CSMD1: variants seen among roughly 807,000 people sequenced by gnomAD.
CSMD1 encodes the protein CUB and Sushi multiple domains 1, also known as CUB and sushi domain-containing protein 1.
Under a neutral mutation model 417.5 loss-of-function variants are expected in CSMD1, and 213 were observed. The observed-to-expected ratio is 0.51, with a 90% CI of 0.46 to 0.57. The LOEUF is 0.57. Ranked by LOEUF, CSMD1 falls within the 20% of genes least tolerant of loss-of-function variation. CSMD1 has a pLI of 0.00. For synonymous variants in CSMD1, 2,862 were observed against 1,736.8 expected, an observed-to-expected ratio of 1.65 and a Z score of -16.11; for missense variants, 6,923 against 4,529.7, an observed-to-expected ratio of 1.53 and a Z score of -15.17.
chr8:4,447,594 T>C (rs1448983490), intron 2 of CSMD1, among the ~76,000 whole-genome samples: 1 of 152,216 alleles, frequency 6.6e-6, no homozygotes, highest in Admixed American at 6.5e-5. Flanking sequence ...GAAAACGCTT[T>C]CATGTAATAC....
At chr8:3,892,797 A>G (rs1333052649) in intron 5 of CSMD1, among the ~76,000 whole-genome samples, 1 of 143,984 alleles carries the variant, frequency 6.9e-6, no homozygotes, top group Admixed American at 7.3e-5. Context: ...ACAGTCTTCT[A>G]CGTGAACTCA....
At chr8:4,230,009 G>C (rs771900699) in intron 3 of CSMD1, among the ~76,000 whole-genome samples, 134 of 152,150 alleles carry the variant, frequency 8.8e-4, no homozygotes, top group Non-Finnish European at 1.5e-3. Context: ...AAATGCATAT[G>C]ATTTTGCTAT....
intron 7 of CSMD1, among the ~76,000 whole-genome samples, chr8:3,696,252 C>G (rs932123340): frequency 3.9e-5 from 6 of 152,304 alleles, no homozygotes; most frequent in Non-Finnish European, 5.9e-5. Flanking sequence ...AGGCACATTG[C>G]TCTTCCTGCA....
At chr8:4,630,023 T>C (rs896844762) in intron 2 of CSMD1, among the ~76,000 whole-genome samples, 1 of 152,132 alleles carries the variant, frequency 6.6e-6, no homozygotes, top group African/African-American at 2.4e-5. Flanking sequence ...CCCATATTAG[T>C]ATGGTTTTGC....
At chr8:2,996,274 T>C (rs571408344) in intron 54 of CSMD1, among the ~76,000 whole-genome samples, 1 of 152,318 alleles carries the variant, frequency 6.6e-6, no homozygotes, top group East Asian at 1.9e-4. Context: ...ACACGTAATT[T>C]AGTAATTTAC....
At chr8:3,508,046 C>T (rs979162841) in intron 10 of CSMD1, among the ~76,000 whole-genome samples, 2 of 152,052 alleles carry the variant, frequency 1.3e-5, no homozygotes, top group Admixed American at 1.3e-4. Flanking sequence ...CTTTTGTTGC[C>T]ATTGCTTTTG....
intron 3 of CSMD1, among the ~76,000 whole-genome samples, chr8:4,248,802 T>A (rs1802867125): frequency 6.6e-6 from 1 of 152,092 alleles, no homozygotes; most frequent in South Asian, 2.1e-4. Flanking sequence ...AATGGAAAAA[T>A]CTTTGCCTAA....
intron 4 of CSMD1, among the ~76,000 whole-genome samples, chr8:4,020,446 T>G (rs772381100): frequency 3.7e-4 from 57 of 152,220 alleles, no homozygotes; most frequent in Non-Finnish European, 8.8e-5. Context: ...CTATTGATAT[T>G]ATAGGATAGG....
At chr8:3,717,966 C>T (rs759862149) in intron 6 of CSMD1, among the ~76,000 whole-genome samples, 1 of 152,118 alleles carries the variant, frequency 6.6e-6, no homozygotes, top group Non-Finnish European at 1.5e-5. Context: ...ATTTCTAGAA[C>T]TATAGGACCA....
chr8:4,728,280 A>T (rs1809606448), intron 1 of CSMD1, among the ~76,000 whole-genome samples: 1 of 151,084 alleles, frequency 6.6e-6, no homozygotes, highest in Non-Finnish European at 1.5e-5. Flanking sequence ...TTTGGGTTGA[A>T]ATAAAATTTT....
At chr8:3,397,164 A>G (rs936850172) in intron 16 of CSMD1, among the ~76,000 whole-genome samples, 6 of 152,136 alleles carry the variant, frequency 3.9e-5, no homozygotes, top group Non-Finnish European at 8.8e-5. Flanking sequence ...TGATCCTCGA[A>G]GAGCTAACCC....
intron 5 of CSMD1, among the ~76,000 whole-genome samples, chr8:3,789,058 A>C (rs1422644838): frequency 2.0e-5 from 3 of 152,172 alleles, no homozygotes; most frequent in African/African-American, 7.2e-5. Context: ...GTCCCTCCAA[A>C]ATTCATATGC....
intron 2 of CSMD1, among the ~76,000 whole-genome samples, chr8:4,537,675 C>T (rs751374233): frequency 2.6e-5 from 4 of 152,090 alleles, no homozygotes; most frequent in Non-Finnish European, 5.9e-5. Context: ...CATTCTTCCT[C>T]GAAGACTCCA....
chr8:4,610,220 CAAGA>C (rs780625091), intron 2 of CSMD1, among the ~76,000 whole-genome samples: 22 of 152,156 alleles, frequency 1.4e-4, no homozygotes, highest in South Asian at 1.2e-3. Context: ...GATACAGATG[CAAGA>C]AAGAGAGACT....
intron 3 of CSMD1, among the ~76,000 whole-genome samples, chr8:4,309,540 T>A (rs925525153): frequency 2.0e-5 from 3 of 152,154 alleles, no homozygotes; most frequent in African/African-American, 7.2e-5. Context: ...AGACAAAGTA[T>A]AAATCATAGG....
rs540040461 is a variant in CSMD1 at position 4,267,627 on chromosome 8, TAATA to T, written c.415+152322_415+152325del. On this transcript the variant is annotated intron_variant, in intron 3 of 69. Coordinates refer to ENST00000635120, the MANE Select transcript of CSMD1 (RefSeq NM_033225.6). ...AAAAATGGACATTTATATTAAATAT[TAATA>T]ATTAAATACATATCTTTGCATACTT... is the stretch of plus-strand genomic sequence containing the variant. Among the ~76,000 whole-genome samples, 1,075 of 152,096 alleles carry T rather than the reference TAATA, an allele frequency of 7.1e-3. 13 individuals carry two copies. The highest frequency in any genetic ancestry group is 8.5e-3 in the Non-Finnish European group (576 of 67,942).
intron 7 of CSMD1, among the ~76,000 whole-genome samples, chr8:3,617,063 A>T (rs1802176289): frequency 6.6e-6 from 1 of 152,124 alleles, no homozygotes; most frequent in Admixed American, 6.6e-5. Context: ...AAAAAATCTC[A>T]TTTGGTCCTT....
chr8:4,356,329 T>TACACACACACACACACACACAC (rs3990908), intron 3 of CSMD1, among the ~76,000 whole-genome samples: 3 of 150,860 alleles, frequency 2.0e-5, no homozygotes, highest in African/African-American at 4.9e-5. Flanking sequence ...TCATATGTAA[T>TACACACACACACACACACACAC]ACACACACAC....
At chr8:3,375,756 C>T (rs1381381019) in intron 18 of CSMD1, among the ~76,000 whole-genome samples, 1 of 152,048 alleles carries the variant, frequency 6.6e-6, no homozygotes, top group Non-Finnish European at 1.5e-5. Context: ...ACAGTGTGAT[C>T]GCTGGACACT....
Sources: allele counts gnomAD v4.1 joint callset (sites outside exome capture counted in the v4.1 genomes callset), GRCh38; gene constraint gnomAD v4.1.1; transcripts MANE v1.5; gene names NCBI Gene and HGNC (gene_info 2026-07-23, HGNC 2026-07-21).